Variants in RAD51B observed in about 807,000 individuals in gnomAD.
RAD51B encodes DNA repair protein RAD51 homolog 2.
Under a neutral mutation model 42.2 loss-of-function variants are expected in RAD51B, and 38 were observed. The observed-to-expected ratio is 0.90, with a 90% CI of 0.70 to 1.18. The LOEUF is 1.18. Ranked by LOEUF, RAD51B falls within the 50% of genes most tolerant of loss-of-function variation. RAD51B has a pLI of 0.00. For missense variants in RAD51B, 373 were observed against 400.7 expected (o/e 0.93, Z 0.59); for synonymous variants, 154 against 145.2 (o/e 1.06, Z -0.43).
At chr14:68,654,387 T>C (rs1006999906) in intron 11 of RAD51B, among the ~76,000 whole-genome samples, 2 of 152,196 alleles carry the variant, frequency 1.3e-5, no homozygotes, top group Non-Finnish European at 2.9e-5. Flanking sequence ...TGCTCATCCC[T>C]CCTTGTTTGC....
intron 7 of RAD51B, among the ~76,000 whole-genome samples, chr14:68,193,578 C>A (rs951498220): frequency 3.3e-5 from 5 of 152,138 alleles, no homozygotes; most frequent in African/African-American, 1.2e-4. Flanking sequence ...ATTCAAAATT[C>A]TCTTTAAAGT....
intron 8 of RAD51B, among the ~76,000 whole-genome samples, chr14:68,393,910 G>A (rs530074313): frequency 4.6e-5 from 7 of 152,272 alleles, no homozygotes; most frequent in East Asian, 1.9e-4. Flanking sequence ...TTGAAAGACC[G>A]TCTGCCCCAA....
At chr14:68,221,489 T>A (rs2079925975) in intron 7 of RAD51B, among the ~76,000 whole-genome samples, 1 of 152,168 alleles carries the variant, frequency 6.6e-6, no homozygotes, top group South Asian at 2.1e-4. Flanking sequence ...GCAAGCCACA[T>A]GTAGGAGAAT....
intron 7 of RAD51B, among the ~76,000 whole-genome samples, chr14:68,063,632 A>T (rs1465823584): frequency 2.0e-5 from 3 of 152,154 alleles, no homozygotes; most frequent in Admixed American, 6.5e-5. Context: ...GCTACTCAGG[A>T]GGCTGAGGCA....
At chr14:67,985,418 C>T (rs534790102) in intron 7 of RAD51B, among the ~76,000 whole-genome samples, 1 of 152,220 alleles carries the variant, frequency 6.6e-6, no homozygotes, top group African/African-American at 2.4e-5. Context: ...AGTAATTGAT[C>T]AAGTTCAATA....
intron 9 of RAD51B, among the ~76,000 whole-genome samples, chr14:68,458,308 C>A (rs1378742805): frequency 6.6e-6 from 1 of 152,084 alleles, no homozygotes; most frequent in Non-Finnish European, 1.5e-5. Flanking sequence ...TATGGGTATT[C>A]ACTATAAAAT....
At chr14:68,155,939 G>A (rs982741988) in intron 7 of RAD51B, among the ~76,000 whole-genome samples, 4 of 152,166 alleles carry the variant, frequency 2.6e-5, no homozygotes, top group Non-Finnish European at 5.9e-5. Flanking sequence ...CCCAGTTTAT[G>A]TGGCTAATTA....
At chr14:68,673,686 T>C (rs559649182) in intron 11 of RAD51B, among the ~76,000 whole-genome samples, 204 of 148,880 alleles carry the variant, frequency 1.4e-3, no homozygotes, top group African/African-American at 4.8e-3. Context: ...CATATGTATA[T>C]GTGCACACAC....
chr14:67,922,483 T>TA (rs1324229401), intron 7 of RAD51B, among the ~76,000 whole-genome samples: 2 of 152,134 alleles, frequency 1.3e-5, no homozygotes, highest in Non-Finnish European at 2.9e-5. Flanking sequence ...GACATTTAAG[T>TA]AAAAGATCTC....
chr14:68,497,262 G>C (rs933160160), intron 10 of RAD51B: 2 of 1,344,074 alleles, frequency 1.5e-6, no homozygotes, highest in African/African-American at 2.9e-5. Flanking sequence ...TAAAACATTT[G>C]GTTGCTACTG....
At chr14:68,512,032 C>G (rs180774819) in intron 10 of RAD51B, among the ~76,000 whole-genome samples, 5 of 152,188 alleles carry the variant, frequency 3.3e-5, no homozygotes, top group African/African-American at 4.8e-5. Flanking sequence ...AAGGACTTTT[C>G]CCCCCAAAAT....
intron 8 of RAD51B, chr14:68,339,523 C>A: frequency 2.4e-6 from 1 of 415,920 alleles, no homozygotes; most frequent in Non-Finnish European, 4.2e-6. Context: ...TCTTTCCTTT[C>A]AGCATCTTGG....
intron 7 of RAD51B, among the ~76,000 whole-genome samples, chr14:68,155,762 AGCAGTAGCTAGAAT>A (rs1252172185): frequency 6.6e-6 from 1 of 152,254 alleles, no homozygotes; most frequent in Admixed American, 6.5e-5. Context: ...ATGGGTAAAG[AGCAGTAGCTAGAAT>A]GCAAATGTGA....
At chr14:67,975,714 A>G (rs1180129683) in intron 7 of RAD51B, among the ~76,000 whole-genome samples, 2 of 152,230 alleles carry the variant, frequency 1.3e-5, no homozygotes, top group African/African-American at 2.4e-5. Context: ...CCTTATTTGA[A>G]CGTAGTTTGA....
At chr14:68,677,445 C>T (rs1251887418) in intron 11 of RAD51B, among the ~76,000 whole-genome samples, 6 of 152,178 alleles carry the variant, frequency 3.9e-5, no homozygotes, top group African/African-American at 1.4e-4. Flanking sequence ...CTTCCAAGCC[C>T]CTCTCCTTTA....
At chr14:68,013,018 T>C (rs1045366604) in intron 7 of RAD51B, among the ~76,000 whole-genome samples, 15 of 152,196 alleles carry the variant, frequency 9.9e-5, no homozygotes, top group African/African-American at 1.4e-4. Context: ...GTTATTATGC[T>C]CACAGATTCT....
At chr14:68,137,414 T>A (rs2078033966) in intron 7 of RAD51B, among the ~76,000 whole-genome samples, 1 of 152,208 alleles carries the variant, frequency 6.6e-6, no homozygotes, top group Non-Finnish European at 1.5e-5. Flanking sequence ...ATTTTATAGT[T>A]CTTGAGAATT....
intron 10 of RAD51B, among the ~76,000 whole-genome samples, chr14:68,495,306 G>C (rs1177256296): frequency 1.3e-5 from 2 of 152,130 alleles, no homozygotes; most frequent in Admixed American, 6.5e-5. Flanking sequence ...CATCCTGTTT[G>C]TTCAGACCCC....
intron 7 of RAD51B, among the ~76,000 whole-genome samples, chr14:68,083,755 T>C (rs1211262702): frequency 1.3e-5 from 2 of 152,200 alleles, no homozygotes; most frequent in African/African-American, 4.8e-5. Context: ...TTTTGGCATT[T>C]TTTTTGTTTT....
Sources: gnomAD v4.1 joint callset for allele counts (sites outside exome capture counted in the v4.1 genomes callset) on GRCh38, gnomAD v4.1.1 for gene constraint, MANE v1.5 for transcripts, NCBI Gene and HGNC (gene_info 2026-07-23, HGNC 2026-07-21) for gene names.